Variants in ANKS1B observed in about 807,000 individuals in gnomAD.
The protein encoded by ANKS1B is ankyrin repeat and sterile alpha motif domain-containing protein 1B.
Under a neutral mutation model 148.3 loss-of-function variants are expected in ANKS1B, and 36 were observed. That is an observed-to-expected ratio of 0.24 (90% CI 0.19 to 0.32). The LOEUF (loss-of-function observed/expected upper bound fraction) is 0.32, where lower values mean the gene tolerates loss of function less well. ANKS1B is among the 10% of genes least tolerant of loss of function. The probability of loss-of-function intolerance (pLI) is 1.00; values close to 1 mark genes in which losing one functional copy is unlikely to be tolerated. For missense variants in ANKS1B, 1,157 were observed against 1,542.6 expected (o/e 0.75, Z 4.19); for synonymous variants, 542 against 560.8 (o/e 0.97, Z 0.47).
chr12:99,617,359 T>C (rs2097979467), intron 9 of ANKS1B, among the ~76,000 whole-genome samples: 1 of 152,184 alleles, frequency 6.6e-6, no homozygotes, highest in East Asian at 1.9e-4. Context: ...TGTAGCACTA[T>C]TTACAATAGC....
intron 15 of ANKS1B, chr12:99,099,798 T>C (rs1414056558): frequency 6.6e-6 from 1 of 152,096 alleles, no homozygotes; most frequent in African/African-American, 2.4e-5. Context: ...ACACAGAACA[T>C]TAAATAGTAA....
chr12:99,905,658 A>T (rs1303022344), intron 1 of ANKS1B, among the ~76,000 whole-genome samples: 1 of 152,170 alleles, frequency 6.6e-6, no homozygotes. Flanking sequence ...AAAGCATTCG[A>T]GTGGTTAGTT....
chr12:99,052,115 A>T (rs2099966493), intron 17 of ANKS1B, among the ~76,000 whole-genome samples: 1 of 152,194 alleles, frequency 6.6e-6, no homozygotes, highest in Non-Finnish European at 1.5e-5. Flanking sequence ...TGCCAAATAC[A>T]ATTCAAATGA....
At chr12:99,402,995 T>A (rs1349517355) in intron 11 of ANKS1B, among the ~76,000 whole-genome samples, 6 of 145,138 alleles carry the variant, frequency 4.1e-5, no homozygotes, top group African/African-American at 1.3e-4. Context: ...TTTTTTGACT[T>A]TTTAATAATA....
intron 1 of ANKS1B, among the ~76,000 whole-genome samples, chr12:99,864,028 C>A (rs2090403572): frequency 6.8e-6 from 1 of 146,824 alleles, no homozygotes; most frequent in African/African-American, 2.5e-5. Flanking sequence ...TTGCAGTGAG[C>A]CGAGATCACG....
At chr12:98,931,237 A>G (rs2099813449) in intron 17 of ANKS1B, among the ~76,000 whole-genome samples, 2 of 152,274 alleles carry the variant, frequency 1.3e-5, no homozygotes, top group South Asian at 4.1e-4. Context: ...AATCCACCAT[A>G]TCTTTCAAAC....
At chr12:99,309,873 A>G (rs531876384) in intron 12 of ANKS1B, among the ~76,000 whole-genome samples, 2 of 152,300 alleles carry the variant, frequency 1.3e-5, no homozygotes, top group South Asian at 4.1e-4. Flanking sequence ...TAAGAACATT[A>G]CTTAAAGATT....
At chr12:98,941,275 A>G (rs1323680613) in intron 17 of ANKS1B, among the ~76,000 whole-genome samples, 1 of 152,230 alleles carries the variant, frequency 6.6e-6, no homozygotes, top group Non-Finnish European at 1.5e-5. Context: ...CTCAAGACAC[A>G]TCACAGTCTT....
intron 9 of ANKS1B, among the ~76,000 whole-genome samples, chr12:99,587,748 A>G (rs809794): frequency 0.54 from 82,562 of 151,978 alleles, 23,768 homozygotes; most frequent in African/African-American, 0.74. Flanking sequence ...ACACACTTTC[A>G]GTGGATTCAG....
chr12:98,742,232 C>T (rs1051466976), downstream of ANKS1B, among the ~76,000 whole-genome samples: 3 of 152,212 alleles, frequency 2.0e-5, no homozygotes, highest in African/African-American at 7.2e-5. Context: ...CACCTTCCGC[C>T]GGGGTGACCC....
intron 12 of ANKS1B, among the ~76,000 whole-genome samples, 180 bp downstream of exon 12, chr12:99,399,451 A>C (rs1188563934): frequency 2.0e-5 from 3 of 152,154 alleles, no homozygotes; most frequent in Admixed American, 6.5e-5. Context: ...AAGGCCATCC[A>C]TGTATTCAAA....
intron 9 of ANKS1B, among the ~76,000 whole-genome samples, chr12:99,559,820 T>A (rs928545884): frequency 6.6e-6 from 1 of 152,194 alleles, no homozygotes; most frequent in Non-Finnish European, 1.5e-5. Flanking sequence ...TATTGCTGCT[T>A]AAGTTTTGAT....
intron 8 of ANKS1B, among the ~76,000 whole-genome samples, chr12:99,700,239 T>C (rs1438583136): frequency 1.3e-5 from 2 of 152,154 alleles, no homozygotes; most frequent in Non-Finnish European, 2.9e-5. Context: ...AGCCAAGTGC[T>C]TGGAATGAAC....
rs112873797 is a variant in ANKS1B, at chr12:98,838,330, C to T, written c.2779-6194G>A. Among the ~76,000 whole-genome samples the T allele has an allele frequency of 2.8e-3, 431 of 152,294 alleles. 2 individuals carry two copies. The highest frequency in any genetic ancestry group is 9.5e-3 in the African/African-American group (395 of 41,566). Reference sequence around the variant, plus strand: ...AAGACTGCAAGAATCACACAAGTCACGCAGAAAAGTCATGTAGCAACAGTC... The same window carrying T: ...AAGACTGCAAGAATCACACAAGTCATGCAGAAAAGTCATGTAGCAACAGTC... On this transcript the variant is annotated intron_variant, in intron 17 of 26. Coordinates refer to ENST00000683438, the MANE Select transcript of ANKS1B (RefSeq NM_001352186.2).
chr12:99,399,532 C>T, intron 12 of ANKS1B, 99 bp downstream of exon 12: 2 of 1,305,694 alleles, frequency 1.5e-6, no homozygotes, highest in East Asian at 2.4e-5. Flanking sequence ...GAACTAAAAA[C>T]ACAATGCAAT....
chr12:99,064,797 G>A (rs1024889897), intron 16 of ANKS1B, among the ~76,000 whole-genome samples: 1 of 152,156 alleles, frequency 6.6e-6, no homozygotes, highest in Non-Finnish European at 1.5e-5. Context: ...GGTCCTTGGG[G>A]TTGAATTATT....
At chr12:99,658,157 G>C (rs1599006769) in intron 8 of ANKS1B, among the ~76,000 whole-genome samples, 1 of 152,032 alleles carries the variant, frequency 6.6e-6, no homozygotes, top group Non-Finnish European at 1.5e-5. Flanking sequence ...GCGTATTGTA[G>C]TGGTTAAGGG....
chr12:99,145,972 T>C (rs1385593210), intron 15 of ANKS1B, among the ~76,000 whole-genome samples: 1 of 152,092 alleles, frequency 6.6e-6, no homozygotes, highest in East Asian at 1.9e-4. Flanking sequence ...GGTATACTAA[T>C]ACTTAGCATG....
intron 17 of ANKS1B, among the ~76,000 whole-genome samples, chr12:99,025,462 A>G (rs1242725187): frequency 6.6e-6 from 1 of 152,242 alleles, no homozygotes; most frequent in African/African-American, 2.4e-5. Flanking sequence ...GAAATAGAAT[A>G]GTGGATTTAA....
Sources: allele counts gnomAD v4.1 joint callset (sites outside exome capture counted in the v4.1 genomes callset), GRCh38; gene constraint gnomAD v4.1.1; transcripts MANE v1.5; gene names NCBI Gene and HGNC (gene_info 2026-07-23, HGNC 2026-07-21).